Variants in ADAMTS17 observed in about 807,000 individuals in gnomAD.
ADAMTS17 encodes the protein ADAM metallopeptidase with thrombospondin type 1 motif 17.
Under a neutral mutation model 141.5 loss-of-function variants are expected in ADAMTS17, and 113 were observed. The observed-to-expected ratio is 0.80, with a 90% CI of 0.69 to 0.93. The LOEUF is 0.93. Among genes scored for constraint, ADAMTS17 ranks in the 40% least tolerant of loss-of-function variants. The pLI is 0.00. For missense variants in ADAMTS17, 1,659 were observed against 1,517.9 expected, an observed-to-expected ratio of 1.09 and a Z score of -1.54; for synonymous variants, 768 against 630.6, an observed-to-expected ratio of 1.22 and a Z score of -3.27.
chr15:100,183,630 G>C (rs1250245484), intron 8 of ADAMTS17, among the ~76,000 whole-genome samples: 2 of 152,182 alleles, frequency 1.3e-5, no homozygotes, highest in African/African-American at 2.4e-5. Flanking sequence ...ACTGGTGCCA[G>C]CTGACTGATT....
At chr15:100,100,064 C>G (rs1337950680) in intron 14 of ADAMTS17, among the ~76,000 whole-genome samples, 2 of 149,194 alleles carry the variant, frequency 1.3e-5, no homozygotes, top group African/African-American at 5.2e-5. Context: ...TAACGCCCAC[C>G]CTGTCTCTGT....
chr15:100,018,314 A>G (rs1386247576), intron 18 of ADAMTS17, among the ~76,000 whole-genome samples: 1 of 152,264 alleles, frequency 6.6e-6, no homozygotes, highest in Non-Finnish European at 1.5e-5. Flanking sequence ...TAATGGGCAA[A>G]CAATAAAAGA....
chr15:100,175,173 T>C (rs1215690707), intron 8 of ADAMTS17, among the ~76,000 whole-genome samples: 3 of 152,202 alleles, frequency 2.0e-5, no homozygotes, highest in African/African-American at 7.2e-5. Flanking sequence ...CTGTTCCAGT[T>C]CCTATGCCTT....
rs1221206922 is a variant in ADAMTS17 at position 100,048,866 on chromosome 15, C to A, written c.2582G>T (p.Cys861Phe). 6.2e-7 allele frequency: 1 copy of A among 1,614,186 alleles called. No individual in the cohort carries two copies. The highest frequency in any genetic ancestry group is 8.5e-7 in the Non-Finnish European group (1 of 1,180,036). Reference sequence around the variant, plus strand: ...GAACCCAGCTTCTTACCGTGACTGGCAGGGGTGCAAGTTGCACCTTCGGAC... The same window carrying A: ...GAACCCAGCTTCTTACCGTGACTGGAAGGGGTGCAAGTTGCACCTTCGGAC... The part of the protein sequence containing the change: ...PQVRRCNLHP[C>F]QSRWVAGPWS... The change falls in exon 18 of 22, where the codon TGC becomes TTC. Residue 861 changes from cysteine to phenylalanine, a missense_variant. Coordinates refer to ENST00000268070, the MANE Select transcript of ADAMTS17 (RefSeq NM_139057.4).
chr15:100,004,394 C>T (rs376529111), intron 18 of ADAMTS17, among the ~76,000 whole-genome samples: 25 of 152,122 alleles, frequency 1.6e-4, no homozygotes, highest in Admixed American at 1.4e-3. Context: ...AGCCCACCTA[C>T]GACACTTGAA....
chr15:99,977,380 ATATATATATATATATATATAATTT>A (rs2060373131), intron 20 of ADAMTS17, among the ~76,000 whole-genome samples: 2 of 24,882 alleles, frequency 8.0e-5, no homozygotes, highest in African/African-American at 4.6e-4. Context: ...ATATATATAT[ATATATATATATATATATATAATTT>A]TTTTTTTTTT....
chr15:100,119,862 G>A (rs2037364353), intron 12 of ADAMTS17, among the ~76,000 whole-genome samples: 1 of 152,130 alleles, frequency 6.6e-6, no homozygotes, highest in Non-Finnish European at 1.5e-5. Flanking sequence ...CATCTTTGAG[G>A]CCACCTCCAC....
chr15:100,338,968 C>T (rs940560187), intron 2 of ADAMTS17: 1 of 985,564 alleles, frequency 1.0e-6, no homozygotes, highest in Non-Finnish European at 1.2e-6. Context: ...AGTCACCCCA[C>T]TGTCTCTTCC....
Position 99,977,374 on chromosome 15 carries a change from ATATATATATATATATATATATATATAAT to A in ADAMTS17, c.2950-1180_2950-1153del, listed in dbSNP as rs1156796877. Among the ~76,000 whole-genome samples the A allele has an allele frequency of 7.8e-4, 11 of 14,172 alleles. 1 individual carries two copies. Among genetic ancestry groups the A allele is most frequent in the South Asian group, 4.4e-3 (2 of 456 alleles). 9.3% of individuals were successfully genotyped at this position (14,172 alleles called of 152,430 possible). ...CATATATATATATATATATATATAT[ATATATATATATATATATATATATATAAT>A]TTTTTTTTTTTTTTTTTTTTTTTTT... On this transcript the variant is annotated intron_variant, in intron 20 of 21. Transcript: ENST00000268070.
rs889489872 is a variant in ADAMTS17, at chr15:100,341,283, G to A, written c.206C>T (p.Pro69Leu). Residue 69 changes from proline (P) to leucine (L), a missense_variant, in exon 2 of 22, where the codon CCA becomes CTA. Coordinates refer to ENST00000268070, the MANE Select transcript of ADAMTS17 (RefSeq NM_139057.4). ...TCCGGGCCGGGCGCGCGGGGCGGCT[G>A]GGGGCGTGCGGGGGCGTCGCCGCCG... ...PRRRRRPRTPPAAPRARPGER... is the reference protein window; with the variant it reads ...PRRRRRPRTPLAAPRARPGER... 9.5e-5 allele frequency: 107 copies of A among 1,126,988 alleles called. No individual in the cohort carries two copies. In the African/African-American group the frequency reaches 1.5e-3, roughly 16 times the overall value. The allele number at this position is 1,126,988 out of a possible 1,614,324, so 69.8% of individuals were successfully genotyped here.
At chr15:100,292,567 T>A (rs968191465) in intron 3 of ADAMTS17, among the ~76,000 whole-genome samples, 5 of 151,956 alleles carry the variant, frequency 3.3e-5, no homozygotes, top group East Asian at 1.9e-4. Flanking sequence ...TCACCCCGTG[T>A]GAAATTATGA....
At position 99,974,120 on chromosome 15, in the gene ADAMTS17, T is replaced by G. The variant is rs190390401; in HGVS notation, c.*282A>C. 28 of 511,672 alleles carry G rather than the reference T, an allele frequency of 5.5e-5. No individual in the cohort carries two copies. The highest frequency in any genetic ancestry group is 5.4e-4 in the African/African-American group (28 of 51,934). 31.7% of individuals were successfully genotyped at this position (511,672 alleles called of 1,614,324 possible). On this transcript the variant is annotated 3_prime_UTR_variant, in exon 22 of 22. Coordinates refer to ENST00000268070, the MANE Select transcript of ADAMTS17 (RefSeq NM_139057.4). ...AATGATGTCTCTCTCTTGACGGTTG[T>G]CTGCCAGAGGTGCTTCCCTTCGAGG... is the stretch of plus-strand genomic sequence containing the variant.
chr15:100,295,905 C>T (rs1031191351), intron 3 of ADAMTS17, among the ~76,000 whole-genome samples: 1 of 152,128 alleles, frequency 6.6e-6, no homozygotes, highest in African/African-American at 2.4e-5. Flanking sequence ...ATAGAAATAT[C>T]AGGATATTGA....
chr15:100,131,274 C>T (rs372573959), intron 12 of ADAMTS17, among the ~76,000 whole-genome samples: 9 of 148,982 alleles, frequency 6.0e-5, no homozygotes, highest in African/African-American at 1.7e-4. Flanking sequence ...ATGTAGGTGA[C>T]GAGTTGATGG....
intron 18 of ADAMTS17, among the ~76,000 whole-genome samples, chr15:100,011,471 A>T (rs1320706810): frequency 6.6e-6 from 1 of 151,598 alleles, no homozygotes; most frequent in Non-Finnish European, 1.5e-5. Context: ...GGAGAGAACA[A>T]AGGCAGGCAG....
chr15:100,034,692 A>G (rs2030532132), intron 18 of ADAMTS17, among the ~76,000 whole-genome samples: 1 of 152,134 alleles, frequency 6.6e-6, no homozygotes, highest in Non-Finnish European at 1.5e-5. Flanking sequence ...CCTCTCGGAA[A>G]ATGTCCCAAA....
intron 10 of ADAMTS17, among the ~76,000 whole-genome samples, chr15:100,144,920 G>A (rs2038830079): frequency 6.6e-6 from 1 of 152,048 alleles, no homozygotes; most frequent in African/African-American, 2.4e-5. Context: ...AGTCATGATG[G>A]TATTTTTCTC....
At chr15:100,100,674 C>G (rs1452161706) in intron 14 of ADAMTS17, among the ~76,000 whole-genome samples, 1 of 152,170 alleles carries the variant, frequency 6.6e-6, no homozygotes, top group East Asian at 1.9e-4. Context: ...TGTTCAGCTC[C>G]ACTCCCTAGT....
intron 8 of ADAMTS17, among the ~76,000 whole-genome samples, chr15:100,175,540 T>C (rs2040308503): frequency 6.6e-6 from 1 of 152,134 alleles, no homozygotes; most frequent in Admixed American, 6.5e-5. Flanking sequence ...AAAGGGAGCC[T>C]GAACAGCAGC....
Sources: gnomAD v4.1 joint callset for allele counts (sites outside exome capture counted in the v4.1 genomes callset) on GRCh38, gnomAD v4.1.1 for gene constraint, MANE v1.5 for transcripts, NCBI Gene and HGNC (gene_info 2026-07-23, HGNC 2026-07-21) for gene names.